ENOX1: variants seen among roughly 807,000 people sequenced by gnomAD.
ENOX1 encodes the protein ecto-NOX disulfide-thiol exchanger 1, also known as candidate growth-related and time keeping constitutive hydroquinone (NADH) oxidase.
A neutral mutation model predicts 82.5 loss-of-function variants in ENOX1; 42 were observed. That is an observed-to-expected ratio of 0.51 (90% CI 0.40 to 0.66). The LOEUF is 0.66. Among genes scored for constraint, ENOX1 ranks in the 30% least tolerant of loss-of-function variants. ENOX1 has a pLI of 0.00. For synonymous variants in ENOX1, 271 were observed against 282.2 expected (o/e 0.96, Z 0.40); for missense variants, 608 against 811.6 (o/e 0.75, Z 3.05).
rs577181517 is a variant in ENOX1 at position 43,439,432 on chromosome 13, C to T, written c.-74-26444G>A. 2.6e-5 allele frequency among the ~76,000 whole-genome samples: 4 copies of T among 152,168 alleles called. 1 individual carries two copies. The highest frequency in any genetic ancestry group is 2.1e-4 in the South Asian group (1 of 4,820). ...CGTCAGGCTGGTCTCGAGCTCCTGACCTCGTGATCTGCCCACCTCAGCCTC... is the reference window on the plus strand; with the variant it reads ...CGTCAGGCTGGTCTCGAGCTCCTGATCTCGTGATCTGCCCACCTCAGCCTC... On this transcript the variant is annotated intron_variant, in intron 3 of 16. Coordinates refer to ENST00000690772, the MANE Select transcript of ENOX1 (RefSeq NM_001347969.2).
chr13:43,675,990 G>A (rs7985732), intron 1 of ENOX1, among the ~76,000 whole-genome samples: 12,650 of 152,238 alleles, frequency 0.083, 779 homozygotes, highest in African/African-American at 0.17. Context: ...AAGTATTAAG[G>A]TATATTGTGG....
At chr13:43,458,821 C>T (rs2057339245) in intron 3 of ENOX1, 1 of 152,158 alleles carries the variant, frequency 6.6e-6, no homozygotes, top group Admixed American at 6.6e-5. Context: ...ATTCTTGAAG[C>T]TTTGAAACAC....
intron 5 of ENOX1, among the ~76,000 whole-genome samples, chr13:43,387,414 G>C (rs1293100084): frequency 6.6e-6 from 1 of 152,096 alleles, no homozygotes; most frequent in East Asian, 1.9e-4. Flanking sequence ...AGGCCTGAAG[G>C]CAAGAGCAAA....
At chr13:43,781,245 C>A (rs1176948644) in intron 1 of ENOX1, among the ~76,000 whole-genome samples, 3 of 152,174 alleles carry the variant, frequency 2.0e-5, no homozygotes, top group Non-Finnish European at 4.4e-5. Flanking sequence ...GCTTGAAATA[C>A]TTGCAGCATT....
At chr13:43,267,420 C>G (rs1252921044) in intron 13 of ENOX1, among the ~76,000 whole-genome samples, 1 of 152,178 alleles carries the variant, frequency 6.6e-6, no homozygotes, top group African/African-American at 2.4e-5. Context: ...GGGCTGGGGC[C>G]TGAGGGTGGG....
intron 5 of ENOX1, among the ~76,000 whole-genome samples, chr13:43,396,198 GAGAATGTCCTTCCTTTTCTT>G (rs1438063626): frequency 3.3e-5 from 5 of 152,186 alleles, no homozygotes; most frequent in African/African-American, 1.2e-4. Flanking sequence ...AAACTGGCAG[GAGAATGTCCTTCCTTTTCTT>G]GCTCCTTGTT....
chr13:43,338,931 C>T (rs545480951), intron 9 of ENOX1, among the ~76,000 whole-genome samples: 21 of 152,106 alleles, frequency 1.4e-4, no homozygotes, highest in Non-Finnish European at 2.6e-4. Flanking sequence ...GTGATCCGCC[C>T]GCCTTGGCCT....
At chr13:43,350,724 C>T (rs553617261) in intron 8 of ENOX1, among the ~76,000 whole-genome samples, 4 of 152,204 alleles carry the variant, frequency 2.6e-5, no homozygotes, top group Non-Finnish European at 2.9e-5. Flanking sequence ...GGATTACAGG[C>T]GTGAGCCACT....
intron 1 of ENOX1, among the ~76,000 whole-genome samples, chr13:43,752,663 TAAA>T (rs2153831544): frequency 6.6e-6 from 1 of 152,332 alleles, no homozygotes; most frequent in African/African-American, 2.4e-5. Context: ...TGCCTTGGTC[TAAA>T]ATCCACGGTC....
chr13:43,334,326 T>A (rs1337279286), intron 9 of ENOX1, among the ~76,000 whole-genome samples: 1 of 152,200 alleles, frequency 6.6e-6, no homozygotes, highest in African/African-American at 2.4e-5. Context: ...GGAAATTACA[T>A]CTGTCCAACT....
chr13:43,309,222 A>C (rs1208546787), intron 11 of ENOX1, among the ~76,000 whole-genome samples: 2 of 151,992 alleles, frequency 1.3e-5, no homozygotes, highest in East Asian at 3.9e-4. Flanking sequence ...GGGTTTCACT[A>C]TGCTGGCCAG....
At chr13:43,297,827 G>A (rs1471162726) in intron 12 of ENOX1, among the ~76,000 whole-genome samples, 1 of 152,008 alleles carries the variant, frequency 6.6e-6, no homozygotes, top group Non-Finnish European at 1.5e-5. Flanking sequence ...CCAAAACTCT[G>A]ATGCTTCATG....
chr13:43,365,420 G>A (rs1056144807), intron 5 of ENOX1, among the ~76,000 whole-genome samples: 3 of 152,218 alleles, frequency 2.0e-5, no homozygotes, highest in African/African-American at 7.2e-5. Context: ...CATTACAGGT[G>A]TAGTCCTGGG....
At chr13:43,409,854 G>T (rs2054014974) in intron 5 of ENOX1, among the ~76,000 whole-genome samples, 1 of 152,112 alleles carries the variant, frequency 6.6e-6, no homozygotes, top group Non-Finnish European at 1.5e-5. Context: ...AACAGAACCT[G>T]ACCCTGAGAT....
intron 2 of ENOX1, among the ~76,000 whole-genome samples, chr13:43,656,740 C>G (rs2084451193): frequency 6.6e-6 from 1 of 152,144 alleles, no homozygotes; most frequent in Non-Finnish European, 1.5e-5. Flanking sequence ...CCAAATAGAC[C>G]ACGCTGTCAG....
intron 2 of ENOX1, among the ~76,000 whole-genome samples, chr13:43,650,105 G>A (rs921794145): frequency 1.3e-5 from 2 of 152,288 alleles, no homozygotes; most frequent in Non-Finnish European, 2.9e-5. Flanking sequence ...AAGAGGGAAG[G>A]GAAGGAACCT....
rs703206 is a variant in ENOX1 at position 43,213,900 on chromosome 13, T to A, written c.*90A>T. 14 of 1,482,920 alleles carry A rather than the reference T, an allele frequency of 9.4e-6. No individual in the cohort carries two copies. Among genetic ancestry groups the A allele is most frequent in the Admixed American group, 4.0e-5 (2 of 49,860 alleles). The allele number at this position is 1,482,920 out of a possible 1,614,324, so 91.9% of individuals were successfully genotyped here. The stretch of plus-strand genomic sequence containing the variant: ...CGATGGCTCCACAAAGGTTGCGTGC[T>A]GGACCAACCCCACACCTCCTGCTTC... On this transcript the variant is annotated 3_prime_UTR_variant, in exon 17 of 17. Transcript: ENST00000690772.
intron 9 of ENOX1, among the ~76,000 whole-genome samples, chr13:43,341,306 A>G (rs1254529216): frequency 6.6e-5 from 10 of 151,878 alleles, no homozygotes; most frequent in South Asian, 2.1e-4. Flanking sequence ...AAAAAAAAAA[A>G]AGAGAGAGAT....
chr13:43,438,557 G>A (rs1168291706), intron 3 of ENOX1, among the ~76,000 whole-genome samples: 1 of 152,196 alleles, frequency 6.6e-6, no homozygotes. Context: ...TAGTTCAGGA[G>A]GAAAATGTAA....
Sources: allele counts gnomAD v4.1 joint callset (sites outside exome capture counted in the v4.1 genomes callset), GRCh38; gene constraint gnomAD v4.1.1; transcripts MANE v1.5; gene names NCBI Gene and HGNC (gene_info 2026-07-23, HGNC 2026-07-21).